NRXN1: variants seen among roughly 807,000 people sequenced by gnomAD.
NRXN1 encodes neurexin 1, also known as neurexin-1.
A neutral mutation model predicts 150.9 loss-of-function variants in NRXN1; 39 were observed. The ratio of observed to expected loss-of-function variants is 0.26; its 90% CI spans 0.20 to 0.34. The LOEUF is 0.34. Ranked by LOEUF, NRXN1 falls within the 10% of genes least tolerant of loss-of-function variation. The pLI is 1.00. For missense variants in NRXN1, 1,815 were observed against 1,949.9 expected (o/e 0.93, Z 1.30); for synonymous variants, 924 against 757.0 (o/e 1.22, Z -3.62).
intron 17 of NRXN1, among the ~76,000 whole-genome samples, chr2:50,401,560 A>C (rs1335629796): frequency 6.6e-6 from 1 of 152,020 alleles, no homozygotes; most frequent in Non-Finnish European, 1.5e-5. Context: ...GGGTACCCTA[A>C]GGGAAGACAG....
chr2:50,239,749 G>T (rs1209360649), intron 17 of NRXN1, among the ~76,000 whole-genome samples: 2 of 121,586 alleles, frequency 1.6e-5, no homozygotes, highest in African/African-American at 3.1e-5. Flanking sequence ...TCATAACCAG[G>T]CAGTCAAGAA....
At chr2:50,570,179 A>T (rs559340709) in intron 8 of NRXN1, among the ~76,000 whole-genome samples, 1 of 152,268 alleles carries the variant, frequency 6.6e-6, no homozygotes, top group African/African-American at 2.4e-5. Context: ...TAGAAACAAG[A>T]TAGATCAAGC....
intron 5 of NRXN1, among the ~76,000 whole-genome samples, chr2:50,793,102 T>C (rs1287864555): frequency 1.3e-5 from 2 of 152,152 alleles, no homozygotes; most frequent in African/African-American, 4.8e-5. Flanking sequence ...AGGATGAAGA[T>C]ACATTTTGAG....
intron 2 of NRXN1, among the ~76,000 whole-genome samples, chr2:50,995,834 C>T (rs976344114): frequency 2.6e-5 from 4 of 152,056 alleles, no homozygotes; most frequent in African/African-American, 9.7e-5. Flanking sequence ...CAAAGGCCTC[C>T]ACTGCTTTAA....
intron 21 of NRXN1, among the ~76,000 whole-genome samples, chr2:49,956,523 A>G (rs932171687): frequency 6.6e-6 from 1 of 151,708 alleles, no homozygotes; most frequent in African/African-American, 2.4e-5. Flanking sequence ...ATCTCTTCCT[A>G]TTTCATTCAT....
chr2:51,022,960 T>C (rs1312941864), intron 2 of NRXN1, among the ~76,000 whole-genome samples: 1 of 152,144 alleles, frequency 6.6e-6, no homozygotes, highest in African/African-American at 2.4e-5. Context: ...GAAACCACAG[T>C]ACAATCCACA....
intron 17 of NRXN1, among the ~76,000 whole-genome samples, chr2:50,304,737 G>C (rs759523328): frequency 6.6e-6 from 1 of 152,068 alleles, no homozygotes; most frequent in African/African-American, 2.4e-5. Flanking sequence ...TTATGAAATG[G>C]GAAGCATCTA....
chr2:50,891,715 AGAT>A (rs1311895190), intron 5 of NRXN1, among the ~76,000 whole-genome samples: 21 of 152,108 alleles, frequency 1.4e-4, no homozygotes, highest in African/African-American at 4.8e-4. Flanking sequence ...ACTTTTCCTC[AGAT>A]GATGATACAG....
intron 2 of NRXN1, among the ~76,000 whole-genome samples, chr2:50,974,714 A>C (rs1695554849): frequency 6.6e-6 from 1 of 152,042 alleles, no homozygotes; most frequent in Non-Finnish European, 1.5e-5. Flanking sequence ...TCTTCATACC[A>C]ATATGAAATA....
chr2:50,800,193 C>G (rs1385632110), intron 5 of NRXN1, among the ~76,000 whole-genome samples: 1 of 152,038 alleles, frequency 6.6e-6, no homozygotes, highest in African/African-American at 2.4e-5. Flanking sequence ...GGTATTTTGA[C>G]TTTATAATTT....
At chr2:50,350,992 G>C (rs1476210179) in intron 17 of NRXN1, among the ~76,000 whole-genome samples, 2 of 152,160 alleles carry the variant, frequency 1.3e-5, no homozygotes, top group Non-Finnish European at 1.5e-5. Flanking sequence ...TTGTAATTTT[G>C]TGGAACAAGG....
chr2:50,399,852 A>T lies in NRXN1; in HGVS notation c.3364+65590T>A, dbSNP rs868439698. Among the ~76,000 whole-genome samples the T allele has an allele frequency of 9.6e-3, 1,313 of 136,472 alleles. 36 individuals are homozygous for T. Among genetic ancestry groups the T allele is most frequent in the African/African-American group, 0.033 (1,198 of 36,010 alleles). The allele number at this position is 136,472 out of a possible 152,430, so 89.5% of individuals were successfully genotyped here. ...AAAAAAAAAAAAAAAAAAAAAAAAA[A>T]TTCTCAGAAAAATATTATCATTGAA... is the stretch of plus-strand genomic sequence containing the variant. On this transcript the variant is annotated intron_variant, in intron 17 of 22. Coordinates refer to ENST00000401669, the MANE Select transcript of NRXN1 (RefSeq NM_001330078.2).
chr2:50,596,012 A>G (rs2103872702), intron 8 of NRXN1, among the ~76,000 whole-genome samples: 1 of 152,302 alleles, frequency 6.6e-6, no homozygotes, highest in East Asian at 1.9e-4. Context: ...AACTTTGCAT[A>G]AGCATATATA....
At chr2:50,444,296 G>A (rs2086212820) in intron 17 of NRXN1, among the ~76,000 whole-genome samples, 1 of 152,144 alleles carries the variant, frequency 6.6e-6, no homozygotes, top group Non-Finnish European at 1.5e-5. Flanking sequence ...AAAACAGTGT[G>A]GGACAGAGCT....
intron 10 of NRXN1, among the ~76,000 whole-genome samples, chr2:50,534,099 GCACACA>G (rs10544475): frequency 8.0e-4 from 117 of 147,124 alleles, no homozygotes; most frequent in Middle Eastern, 3.5e-3. Flanking sequence ...ATCAATAATT[GCACACA>G]CACACACACA....
intron 18 of NRXN1, among the ~76,000 whole-genome samples, chr2:50,106,525 A>G (rs1436559528): frequency 1.3e-5 from 2 of 152,008 alleles, no homozygotes; most frequent in Admixed American, 6.6e-5. Context: ...TCCAACAAAT[A>G]CACTTAATGA....
intron 19 of NRXN1, among the ~76,000 whole-genome samples, chr2:50,059,828 C>G (rs1475779052): frequency 6.6e-6 from 1 of 152,154 alleles, no homozygotes; most frequent in African/African-American, 2.4e-5. Context: ...CCCGTGGGTG[C>G]AAAGAAGTCA....
At chr2:50,357,946 G>C (rs1369804078) in intron 17 of NRXN1, among the ~76,000 whole-genome samples, 1 of 152,234 alleles carries the variant, frequency 6.6e-6, no homozygotes. Flanking sequence ...AAGCAGGGTG[G>C]GGCGTCACAT....
chr2:49,970,914 G>T (rs1026343093), intron 21 of NRXN1, among the ~76,000 whole-genome samples: 2 of 151,942 alleles, frequency 1.3e-5, no homozygotes, highest in African/African-American at 4.8e-5. Context: ...AGGTAAAAGA[G>T]AAGACTAAAT....
Sources: allele counts gnomAD v4.1 joint callset (sites outside exome capture counted in the v4.1 genomes callset), GRCh38; gene constraint gnomAD v4.1.1; transcripts MANE v1.5; gene names NCBI Gene and HGNC (gene_info 2026-07-23, HGNC 2026-07-21).